TGFB1I1: variants seen among roughly 807,000 people sequenced by gnomAD.
TGFB1I1 encodes transforming growth factor beta 1 induced transcript 1.
In TGFB1I1, 33 loss-of-function variants were observed where a neutral mutation model predicts 52.0. The observed-to-expected ratio is 0.63, with a 90% CI of 0.48 to 0.85. The LOEUF (loss-of-function observed/expected upper bound fraction) is 0.85. Among genes scored for constraint, TGFB1I1 ranks in the 40% least tolerant of loss-of-function variants. The pLI is 0.00. For missense variants in TGFB1I1, 577 were observed against 614.9 expected (o/e 0.94, Z 0.65); for synonymous variants, 236 against 253.3 (o/e 0.93, Z 0.65).
Position 31,477,141 on chromosome 16 carries a change from C to T in TGFB1I1, c.1119+131C>T. The T allele has an allele frequency of 1.4e-6, 2 of 1,405,236 alleles. No homozygotes were observed. The highest frequency in any genetic ancestry group is 9.5e-7 in the Non-Finnish European group (1 of 1,057,060). The allele number at this position is 1,405,236 out of a possible 1,614,324, so 87.0% of individuals were successfully genotyped here. On this transcript the variant is annotated intron_variant, in intron 10 of 10. Coordinates refer to ENST00000394863, the MANE Select transcript of TGFB1I1 (RefSeq NM_001042454.3). This position sits in a 1 kb window ranked among gnomAD's most constrained non-coding sequence, Gnocchi z 4.7. Reference sequence around the variant, plus strand: ...TCGGGGGGGCGGGTCACGGGAGGTGCTGCTAGGAACCTCGGGTGGGGCGAG... The same window carrying T: ...TCGGGGGGGCGGGTCACGGGAGGTGTTGCTAGGAACCTCGGGTGGGGCGAG...
Position 31,474,364 on chromosome 16 carries a change from C to T in TGFB1I1, c.428C>T (p.Ser143Phe). The change falls in exon 6 of 11, where the codon TCT becomes TTT. Residue 143 changes from serine (S) to phenylalanine (F), a missense_variant. Transcript: ENST00000394863. The surrounding 1 kb of genome is among the most constrained non-coding windows in gnomAD (Gnocchi z 4.2). Reference protein sequence around the residue: ...KKRPSLPSSPSPGLPKASATS... With the variant: ...KKRPSLPSSPFPGLPKASATS... ...GTTCTTCACAGCCCTTCCAGCCCGT[C>T]TCCTGGCCTCCCAAAGGCTTCTGCC... The T allele has an allele frequency of 6.2e-7, 1 of 1,614,202 alleles. No individual in the cohort carries two copies. The highest frequency in any genetic ancestry group is 8.5e-7 in the Non-Finnish European group (1 of 1,180,048).
chr16:31,474,743 C>T lies in TGFB1I1; in HGVS notation c.700C>T (p.Pro234Ser). Residue 234 changes from proline to serine, a missense_variant, in exon 7 of 11, where the codon CCT (proline) becomes TCT (serine). Physicochemically the swap from Pro to Ser is moderately conservative, Grantham distance 74 (BLOSUM62 -1). Around this residue, in one of 3 missense-constraint regions of TGFB1I1, gnomAD observed 456 missense variants for 461.6 expected, o/e 0.99. Transcript: ENST00000394863. This position sits in a 1 kb window ranked among gnomAD's most constrained non-coding sequence, Gnocchi z 4.2. ...AGGCCTCTGTGGCTCCTGCAATAAA[C>T]CTATTGCTGGGCAAGTAAGTGGAGC... ...AKGLCGSCNK[P>S]IAGQVVTALG... 1 of 1,608,582 alleles carries T rather than the reference C, an allele frequency of 6.2e-7. No homozygotes were observed. The highest frequency in any genetic ancestry group is 8.5e-7 in the Non-Finnish European group (1 of 1,177,898).
In TGFB1I1 at chr16:31,476,532, G is replaced by T. The variant is rs779026921; in HGVS notation, c.940G>T (p.Val314Phe). ...THWHPEHFCC[V>F]SCGEPFGDEG... The stretch of plus-strand genomic sequence containing the variant: ...CTGGCACCCAGAGCATTTCTGCTGC[G>T]TCAGTTGCGGGGAGCCCTTCGGAGA... The change falls in exon 9 of 11, where the codon GTC becomes TTC. Residue 314 changes from valine to phenylalanine, a missense_variant. Coordinates refer to ENST00000394863, the MANE Select transcript of TGFB1I1 (RefSeq NM_001042454.3). This position sits in a 1 kb window ranked among gnomAD's most constrained non-coding sequence, Gnocchi z 7.6. The T allele has an allele frequency of 9.3e-6, 15 of 1,613,454 alleles. 1 individual carries two copies. The Admixed American group carries it at 2.0e-4, about 22-fold the overall frequency.
In TGFB1I1 at chr16:31,477,675, ACCCACTGGAGAGCCCCG is replaced by A; in HGVS notation, c.*103_*119del. ...CCTTGCTCTCAGAGCGGGAGGCCCC[ACCCACTGGAGAGCCCCG>A]CCCCTAAGGTACTATGAGTCCTCAG... On this transcript the variant is annotated 3_prime_UTR_variant, in exon 11 of 11. Transcript: ENST00000394863. The surrounding 1 kb of genome is among the most constrained non-coding windows in gnomAD (Gnocchi z 4.7). 1 of 1,429,594 alleles carries A rather than the reference ACCCACTGGAGAGCCCCG, an allele frequency of 7.0e-7. No individual in the cohort carries two copies. Among genetic ancestry groups the A allele is most frequent in the Non-Finnish European group, 9.2e-7 (1 of 1,085,870 alleles). The allele number at this position is 1,429,594 out of a possible 1,614,324, so 88.6% of individuals were successfully genotyped here.
Position 31,474,964 on chromosome 16 carries a change from T to C in TGFB1I1, c.714+207T>C. 6 of 595,794 alleles carry C rather than the reference T, an allele frequency of 1.0e-5. No homozygotes were observed. Among genetic ancestry groups the C allele is most frequent in the Middle Eastern group, 4.5e-4 (1 of 2,206 alleles). The allele number at this position is 595,794 out of a possible 1,614,324, so 36.9% of individuals were successfully genotyped here. A position where few individuals can be genotyped will look rare whatever the true frequency, so the allele number is the denominator to read the frequency against. On this transcript the variant is annotated intron_variant, in intron 7 of 10. Coordinates refer to ENST00000394863, the MANE Select transcript of TGFB1I1 (RefSeq NM_001042454.3). This position sits in a 1 kb window ranked among gnomAD's most constrained non-coding sequence, Gnocchi z 4.2. ...AAAATTCCAACCATGTTACCATTTATTGTGGTCCTACTGTGTGCCAGGCAC... is the reference window on the plus strand; with the variant it reads ...AAAATTCCAACCATGTTACCATTTACTGTGGTCCTACTGTGTGCCAGGCAC...
Position 31,477,842 on chromosome 16 carries a change from G to T in TGFB1I1, c.*266G>T. 1 of 512,892 alleles carries T rather than the reference G, an allele frequency of 1.9e-6. No individual in the cohort carries two copies. Among genetic ancestry groups the T allele is most frequent in the Non-Finnish European group, 3.4e-6 (1 of 293,848 alleles). 31.8% of individuals were successfully genotyped at this position (512,892 alleles called of 1,614,324 possible). A position where few individuals can be genotyped will look rare whatever the true frequency, so the allele number is the denominator to read the frequency against. ...CCACCCTTGAGGGAGCCCCCTTACTGGGGGAGGGTCCTTGCAATTCCAGCG... is the reference window on the plus strand; with the variant it reads ...CCACCCTTGAGGGAGCCCCCTTACTTGGGGAGGGTCCTTGCAATTCCAGCG... On this transcript the variant is annotated 3_prime_UTR_variant, in exon 11 of 11. Coordinates refer to ENST00000394863, the MANE Select transcript of TGFB1I1 (RefSeq NM_001042454.3). The surrounding 1 kb of genome is among the most constrained non-coding windows in gnomAD (Gnocchi z 4.7).
At chr16:31,473,412 T>C (rs745661337) in intron 1 of TGFB1I1, 29 bp from the exon 2 acceptor site, 1 of 1,599,546 alleles carries the variant, frequency 6.3e-7, no homozygotes, top group Non-Finnish European at 8.6e-7. Flanking sequence ...GTGACCCTTG[T>C]CTCTCTCCCT....
chr16:31,474,444 G>T lies in TGFB1I1; in HGVS notation c.508G>T (p.Val170Phe). 1 of 1,614,138 alleles carries T rather than the reference G, an allele frequency of 6.2e-7. No individual in the cohort carries two copies. The highest frequency in any genetic ancestry group is 8.5e-7 in the Non-Finnish European group (1 of 1,180,040). Residue 170 changes from valine to phenylalanine, a missense_variant, in exon 6 of 11, where the codon GTT becomes TTT. This residue lies in a region of TGFB1I1 where 456 missense variants were observed against 461.6 expected (regional missense o/e 0.99). Transcript: ENST00000394863. This position sits in a 1 kb window ranked among gnomAD's most constrained non-coding sequence, Gnocchi z 4.2. Reference sequence around the variant, plus strand: ...GATGGCCTCACTCTCTGACTTCCGCGTTCAAAACCATGTGAGTTGGGCAGT... The same window carrying T: ...GATGGCCTCACTCTCTGACTTCCGCTTTCAAAACCATGTGAGTTGGGCAGT... The part of the protein sequence containing the change: ...RLMASLSDFR[V>F]QNHLPASGPT...
chr16:31,476,187 T>A lies in TGFB1I1; in HGVS notation c.888+2T>A. ...TTCTGCAACCAGCCCATCCGACACG[T>A]GAGCCCCGCCCGGCCGCACCGAGCC... is the stretch of plus-strand genomic sequence containing the variant. On this transcript the variant is annotated splice_donor_variant, in intron 8 of 10. Transcript: ENST00000394863. LOFTEE classifies it high-confidence loss of function. The surrounding 1 kb of genome is among the most constrained non-coding windows in gnomAD (Gnocchi z 7.6). 1 of 1,610,976 alleles carries A rather than the reference T, an allele frequency of 6.2e-7. No homozygotes were observed. Among genetic ancestry groups the A allele is most frequent in the Non-Finnish European group, 8.5e-7 (1 of 1,179,306 alleles).
intron 1 of TGFB1I1, 38 bp downstream of exon 1, chr16:31,472,239 C>T: frequency 6.8e-7 from 1 of 1,470,732 alleles, no homozygotes; most frequent in African/African-American, 1.5e-5. Context: ...TGGCCCCTCA[C>T]CGCTGCCCAG....
intron 7 of TGFB1I1, chr16:31,475,073 A>G: frequency 2.8e-6 from 1 of 351,808 alleles, no homozygotes; most frequent in Non-Finnish European, 5.3e-6. Context: ...TCAGGCATCT[A>G]CAAAGGCTCT....
intron 1 of TGFB1I1, 119 bp from the exon 2 acceptor site, chr16:31,473,322 C>T: frequency 1.4e-6 from 2 of 1,455,702 alleles, no homozygotes; most frequent in Non-Finnish European, 9.1e-7. Flanking sequence ...CTGGCTCTGG[C>T]CCTGTGACCT....
chr16:31,474,079 G>A lies in TGFB1I1; in HGVS notation c.326-73G>A. On this transcript the variant is annotated intron_variant, in intron 4 of 10. Coordinates refer to ENST00000394863, the MANE Select transcript of TGFB1I1 (RefSeq NM_001042454.3). This position sits in a 1 kb window ranked among gnomAD's most constrained non-coding sequence, Gnocchi z 4.2. Reference sequence around the variant, plus strand: ...ACACTTCCCAGAGTAGCAGTTAAAGGGACCTAAAGCCTCAAGTGTGAGGGT... The same window carrying A: ...ACACTTCCCAGAGTAGCAGTTAAAGAGACCTAAAGCCTCAAGTGTGAGGGT... 6.2e-7 allele frequency: 1 copy of A among 1,610,716 alleles called. No homozygotes were observed. The highest frequency in any genetic ancestry group is 1.3e-5 in the African/African-American group (1 of 74,934).
chr16:31,472,205 A>G lies in TGFB1I1; in HGVS notation c.13+4A>G. ...CGCCCCGCCATGGAGGACCTGGGTG[A>G]GTGGGGCCGGATCCCCGGGTCCGTG... On this transcript the variant is annotated splice_donor_region_variant and intron_variant, in intron 1 of 10. Transcript: ENST00000394863. 7.6e-7 allele frequency: 1 copy of G among 1,323,488 alleles called. No homozygotes were observed. The highest frequency in any genetic ancestry group is 9.8e-7 in the Non-Finnish European group (1 of 1,017,498). 82.0% of individuals were successfully genotyped at this position (1,323,488 alleles called of 1,614,324 possible). A position where few individuals can be genotyped will look rare whatever the true frequency, so the allele number is the denominator to read the frequency against.
rs1475893134 is a variant in TGFB1I1, at chr16:31,477,616, C to T, written c.*40C>T. The T allele has an allele frequency of 6.4e-7, 1 of 1,550,938 alleles. No individual in the cohort carries two copies. Among genetic ancestry groups the T allele is most frequent in the African/African-American group, 1.4e-5 (1 of 73,852 alleles). On this transcript the variant is annotated 3_prime_UTR_variant, in exon 11 of 11. Transcript: ENST00000394863. The surrounding 1 kb of genome is among the most constrained non-coding windows in gnomAD (Gnocchi z 4.7). ...CGCCCTCTCCCCCGGAGGCCGCGCC[C>T]TCCCGGAAAAGCCGGGTCCTCCAGA...
rs1863195233 is a variant in TGFB1I1, at chr16:31,474,199, CAGA to C, written c.376_378del (p.Lys126del). On this transcript the variant is annotated inframe_deletion, in exon 5 of 11. Coordinates refer to ENST00000394863, the MANE Select transcript of TGFB1I1 (RefSeq NM_001042454.3). This position sits in a 1 kb window ranked among gnomAD's most constrained non-coding sequence, Gnocchi z 4.2. ...ATCTAGCAAGGTGGCTTCAGGAGAG[CAGA>C]AGGAGGACCAGTCTGAAGATAAGAA... The C allele has an allele frequency of 2.5e-6, 4 of 1,614,136 alleles. No homozygotes were observed. Among genetic ancestry groups the C allele is most frequent in the African/African-American group, 1.3e-5 (1 of 75,022 alleles).
At position 31,474,867 on chromosome 16, in the gene TGFB1I1, A is replaced by G. The variant is rs2082414815; in HGVS notation, c.714+110A>G. On this transcript the variant is annotated intron_variant, in intron 7 of 10. Transcript: ENST00000394863. The surrounding 1 kb of genome is among the most constrained non-coding windows in gnomAD (Gnocchi z 4.2). ...TAGTAAGTTAATCTGGGAAGTGGGTATCATTATTACTTATGTTTTATGGAT... is the reference window on the plus strand; with the variant it reads ...TAGTAAGTTAATCTGGGAAGTGGGTGTCATTATTACTTATGTTTTATGGAT... The G allele has an allele frequency of 9.7e-7, 1 of 1,029,728 alleles. No homozygotes were observed. Among genetic ancestry groups the G allele is most frequent in the African/African-American group, 1.6e-5 (1 of 62,454 alleles). 63.8% of individuals were successfully genotyped at this position (1,029,728 alleles called of 1,614,324 possible).
At chr16:31,472,399 T>C in intron 1 of TGFB1I1, 198 bp downstream of exon 1, 1 of 942,752 alleles carries the variant, frequency 1.1e-6, no homozygotes, top group Non-Finnish European at 1.4e-6. Context: ...CTCCCTCCCT[T>C]CTTCCCTCGC....
intron 1 of TGFB1I1, chr16:31,472,426 A>C: frequency 5.4e-5 from 39 of 719,406 alleles, no homozygotes; most frequent in East Asian, 2.5e-4. Context: ...CCTCCATCCC[A>C]GGCTGCGGCA....
Sources: allele counts gnomAD v4.1 joint callset, GRCh38; gene constraint gnomAD v4.1.1; regional missense constraint gnomAD v4.1.1; non-coding constraint Gnocchi (gnomAD v3.1); transcripts MANE v1.5; gene names NCBI Gene and HGNC (gene_info 2026-07-23, HGNC 2026-07-21).